Variants in SMPDL3B observed in about 807,000 individuals in gnomAD.
The protein encoded by SMPDL3B is acid sphingomyelinase-like phosphodiesterase 3b.
A neutral mutation model predicts 37.9 loss-of-function variants in SMPDL3B; 31 were observed. The observed-to-expected ratio is 0.82, with a 90% CI of 0.61 to 1.10. The LOEUF (loss-of-function observed/expected upper bound fraction) is 1.10, where lower values mean the gene tolerates loss of function less well. Ranked by LOEUF, SMPDL3B falls within the 50% of genes least tolerant of loss-of-function variation. The pLI, the probability that SMPDL3B is intolerant of heterozygous loss-of-function variation, is 0.00. For synonymous variants in SMPDL3B, 235 were observed against 242.6 expected (o/e 0.97, Z 0.29); for missense variants, 525 against 597.8 (o/e 0.88, Z 1.27).
chr1:27,952,167 A>AT (rs71027256), intron 3 of SMPDL3B, among the ~76,000 whole-genome samples: 61,811 of 148,220 alleles, frequency 0.42, 12,637 homozygotes, highest in East Asian at 0.54. Context: ...TCTCATAGGG[A>AT]TTTTTTTTTT....
At chr1:27,937,368 C>A (rs1036844601) in intron 1 of SMPDL3B, among the ~76,000 whole-genome samples, 1 of 152,238 alleles carries the variant, frequency 6.6e-6, no homozygotes, top group Non-Finnish European at 1.5e-5. Flanking sequence ...GCTGAGGGAG[C>A]AGGACCAGGG....
intron 1 of SMPDL3B, among the ~76,000 whole-genome samples, chr1:27,937,953 C>A (rs1161916182): frequency 2.6e-5 from 4 of 152,162 alleles, no homozygotes; most frequent in African/African-American, 9.7e-5. Flanking sequence ...GTTACTGCCC[C>A]TTCTATGGCA....
At chr1:27,943,021 A>G (rs953563420) in intron 1 of SMPDL3B, among the ~76,000 whole-genome samples, 1 of 152,226 alleles carries the variant, frequency 6.6e-6, no homozygotes, top group African/African-American at 2.4e-5. Flanking sequence ...TTTCCCCATT[A>G]TAAACAAAGG....
At chr1:27,936,597 T>C (rs1180878970) in intron 1 of SMPDL3B, 1 of 152,202 alleles carries the variant, frequency 6.6e-6, no homozygotes, top group Non-Finnish European at 1.5e-5. Context: ...AGCTGGGAAA[T>C]GGCAGGACAA....
Position 27,945,840 on chromosome 1 carries a change from G to C in SMPDL3B, c.275+395G>C, listed in dbSNP as rs534067435. 2.7e-3 allele frequency among the ~76,000 whole-genome samples: 415 copies of C among 152,278 alleles called. 2 individuals are homozygous for C. Among genetic ancestry groups the C allele is most frequent in the Non-Finnish European group, 4.9e-3 (331 of 68,026 alleles). ...AGGGAAGAAGTTATGAGGGCTGAAGGTGGCCCAGCCTGGGGTCCTAGTGTC... is the reference window on the plus strand; with the variant it reads ...AGGGAAGAAGTTATGAGGGCTGAAGCTGGCCCAGCCTGGGGTCCTAGTGTC... On this transcript the variant is annotated intron_variant, in intron 2 of 7. Transcript: ENST00000373894. This position sits in a 1 kb window ranked among gnomAD's most constrained non-coding sequence, Gnocchi z 4.0.
intron 3 of SMPDL3B, 72 bp from the exon 4 acceptor site, chr1:27,953,143 G>A: frequency 1.6e-6 from 2 of 1,265,840 alleles, no homozygotes; most frequent in Non-Finnish European, 2.3e-6. Flanking sequence ...ATGGCCAGTG[G>A]CCAACAGAAA....
chr1:27,945,333 G>C lies in SMPDL3B; in HGVS notation c.163G>C (p.Asp55His), dbSNP rs750939971. 1 of 1,614,118 alleles carries C rather than the reference G, an allele frequency of 6.2e-7. No individual in the cohort carries two copies. The highest frequency in any genetic ancestry group is 2.2e-5 in the East Asian group (1 of 44,880). Residue 55 changes from aspartate (D) to histidine (H), a missense_variant, in exon 2 of 8, where the codon GAC (aspartate) becomes CAC (histidine). Asp to His is a moderately conservative substitution (Grantham distance 81). Transcript: ENST00000373894. This position sits in a 1 kb window ranked among gnomAD's most constrained non-coding sequence, Gnocchi z 4.0. ...CPSAGSQPVPDAGPWGDYLCD... is the reference protein window; with the variant it reads ...CPSAGSQPVPHAGPWGDYLCD... ...ATCAGCTGGATCCCAGCCAGTGCCCGACGCAGGCCCCTGGGGTGACTACCT... is the reference window on the plus strand; with the variant it reads ...ATCAGCTGGATCCCAGCCAGTGCCCCACGCAGGCCCCTGGGGTGACTACCT...
At chr1:27,947,228 G>A (rs1341375229) in intron 2 of SMPDL3B, among the ~76,000 whole-genome samples, 1 of 151,944 alleles carries the variant, frequency 6.6e-6, no homozygotes, top group Non-Finnish European at 1.5e-5. Context: ...TAGAGACAAG[G>A]TTTCTCCATG....
chr1:27,956,101 GC>G lies in SMPDL3B; in HGVS notation c.1005+21del. On this transcript the variant is annotated intron_variant, in intron 7 of 7. Coordinates refer to ENST00000373894, the MANE Select transcript of SMPDL3B (RefSeq NM_014474.4). ...CCTGAAGGTCAGGAGTCCTGCGGAG[GC>G]CAGAGGAGGAGGGTGGGAGGGGCTT... 1 of 1,614,126 alleles carries G rather than the reference GC, an allele frequency of 6.2e-7. No homozygotes were observed. Among genetic ancestry groups the G allele is most frequent in the Non-Finnish European group, 8.5e-7 (1 of 1,180,036 alleles).
At chr1:27,950,910 G>A (rs1438961496) in intron 3 of SMPDL3B, among the ~76,000 whole-genome samples, 2 of 152,102 alleles carry the variant, frequency 1.3e-5, no homozygotes, top group African/African-American at 2.4e-5. Flanking sequence ...GATTACAGGC[G>A]TGAGCCACTG....
At chr1:27,955,637 C>G in intron 5 of SMPDL3B, 47 bp from the exon 6 acceptor site, 1 of 1,568,658 alleles carries the variant, frequency 6.4e-7, no homozygotes. Context: ...AAATGAGGGT[C>G]TGGAGAGGGC....
intron 7 of SMPDL3B, among the ~76,000 whole-genome samples, chr1:27,957,661 A>G (rs934668701): frequency 1.3e-5 from 2 of 152,134 alleles, no homozygotes; most frequent in African/African-American, 4.8e-5. Flanking sequence ...GGGTTTAAAG[A>G]GTGGCCTGTT....
intron 2 of SMPDL3B, among the ~76,000 whole-genome samples, chr1:27,947,059 G>T (rs57120399): frequency 0.021 from 3,071 of 143,584 alleles, 111 homozygotes; most frequent in African/African-American, 0.071. Flanking sequence ...TTTTTGAGAT[G>T]GAGTTTCGCT....
chr1:27,935,172 T>C lies in SMPDL3B; in HGVS notation c.-12T>C, dbSNP rs1457705060. 10 of 1,611,938 alleles carry C rather than the reference T, an allele frequency of 6.2e-6. No individual in the cohort carries two copies. Among genetic ancestry groups the C allele is most frequent in the African/African-American group, 5.3e-5 (4 of 74,870 alleles). On this transcript the variant is annotated 5_prime_UTR_variant, in exon 1 of 8. Coordinates refer to ENST00000373894, the MANE Select transcript of SMPDL3B (RefSeq NM_014474.4). ...TGAGAATCCCACGGCTCTGGGGAAG[T>C]GAGCCCCGAGGATGAGGCTGCTCGC...
chr1:27,949,115 T>C lies in SMPDL3B; in HGVS notation c.326T>C (p.Leu109Pro). Residue 109 changes from leucine to proline, a missense_variant, in exon 3 of 8, where the codon CTG (leucine) becomes CCG (proline). Physicochemically the swap from Leu to Pro is moderately conservative, Grantham distance 98. Transcript: ENST00000373894. ...PDEKLGEAAV[L>P]EIVERLTKLI... ...GAGAAACTGGGAGAGGCAGCTGTACTGGAAATTGTGGAACGCCTGACCAAG... is the reference window on the plus strand; with the variant it reads ...GAGAAACTGGGAGAGGCAGCTGTACCGGAAATTGTGGAACGCCTGACCAAG... 1.2e-6 allele frequency: 2 copies of C among 1,614,222 alleles called. No homozygotes were observed. Among genetic ancestry groups the C allele is most frequent in the Non-Finnish European group, 1.7e-6 (2 of 1,180,030 alleles).
rs1185470946 is a variant in SMPDL3B, at chr1:27,953,148, C to A, written c.374-67C>A. 30 of 1,354,238 alleles carry A rather than the reference C, an allele frequency of 2.2e-5. 1 individual carries two copies. The South Asian group carries it at 3.3e-4, about 15-fold the overall frequency. 83.9% of individuals were successfully genotyped at this position (1,354,238 alleles called of 1,614,324 possible). On this transcript the variant is annotated intron_variant, in intron 3 of 7. Transcript: ENST00000373894. The stretch of plus-strand genomic sequence containing the variant: ...TTGAGCTCTGATGGCCAGTGGCCAA[C>A]AGAAAATGATTAACTCCCCCGAGTG...
At chr1:27,949,645 G>T (rs1057217295) in intron 3 of SMPDL3B, among the ~76,000 whole-genome samples, 3 of 152,198 alleles carry the variant, frequency 2.0e-5, no homozygotes, top group African/African-American at 7.2e-5. Context: ...GGCAGGGACT[G>T]GGGGTGAGTG....
At chr1:27,957,503 A>T (rs1638324027) in intron 7 of SMPDL3B, among the ~76,000 whole-genome samples, 1 of 152,128 alleles carries the variant, frequency 6.6e-6, no homozygotes. Context: ...ATCAAGTGAA[A>T]GTGGACAGGG....
Position 27,945,024 on chromosome 1 carries a change from G to T in SMPDL3B, c.62-208G>T, listed in dbSNP as rs2090394272. ...GCCTTGCCAAAGGTCAGCGCTCAGG[G>T]ATGGAGCTGAGCCTGTTCTGTGCTC... On this transcript the variant is annotated intron_variant, in intron 1 of 7. Transcript: ENST00000373894. This position sits in a 1 kb window ranked among gnomAD's most constrained non-coding sequence, Gnocchi z 4.0. Among the ~76,000 whole-genome samples the T allele has an allele frequency of 6.6e-6, 1 of 152,172 alleles. No homozygotes were observed.
Sources: allele counts gnomAD v4.1 joint callset (sites outside exome capture counted in the v4.1 genomes callset), GRCh38; gene constraint gnomAD v4.1.1; non-coding constraint Gnocchi (gnomAD v3.1); transcripts MANE v1.5; gene names NCBI Gene and HGNC (gene_info 2026-07-23, HGNC 2026-07-21).